The following ATP8A2 variants were observed in gnomAD, a reference collection of about 807,000 sequenced individuals.
The protein encoded by ATP8A2 is phospholipid-transporting ATPase IB.
ATP8A2 carries 100 observed loss-of-function variants against 165.6 expected under a neutral mutation model. That is an observed-to-expected ratio of 0.60 (90% CI 0.51 to 0.71). ATP8A2 has a LOEUF of 0.71. Ranked by LOEUF, ATP8A2 falls within the 30% of genes least tolerant of loss-of-function variation. The pLI, the probability that ATP8A2 is intolerant of heterozygous loss-of-function variation, is 0.00. For synonymous variants in ATP8A2, 543 were observed against 548.8 expected (o/e 0.99, Z 0.15); for missense variants, 1,227 against 1,479.5 (o/e 0.83, Z 2.80).
intron 22 of ATP8A2, 78 bp downstream of exon 22, chr13:25,580,025 C>G (rs1416372155): frequency 1.3e-6 from 2 of 1,508,514 alleles, no homozygotes; most frequent in Non-Finnish European, 1.8e-6. Flanking sequence ...GAACAGGAAT[C>G]CTTTTACTAT....
chr13:25,389,634 G>A (rs1234178707), intron 1 of ATP8A2, among the ~76,000 whole-genome samples: 2 of 152,206 alleles, frequency 1.3e-5, no homozygotes, highest in Non-Finnish European at 2.9e-5. Flanking sequence ...GAAGTACACC[G>A]AGTAGCTTCA....
At chr13:25,838,380 C>T (rs991010758) in intron 29 of ATP8A2, among the ~76,000 whole-genome samples, 6 of 152,062 alleles carry the variant, frequency 3.9e-5, no homozygotes, top group East Asian at 1.9e-4. Context: ...CAAAGAGACC[C>T]GAGGGACTCA....
In ATP8A2 at chr13:25,478,745, T is replaced by C. The variant is rs559970815; in HGVS notation, c.221+9624T>C. The stretch of plus-strand genomic sequence containing the variant: ...AAGGCTTTTGGAGAGTGTTGGCAGG[T>C]TTCAGCTTAGAAAAGACTTCAGCTT... On this transcript the variant is annotated intron_variant, in intron 2 of 36. Transcript: ENST00000381655. Among the ~76,000 whole-genome samples the C allele has an allele frequency of 2.0e-5, 3 of 152,290 alleles. No homozygotes were observed. In the South Asian group the frequency reaches 6.2e-4, roughly 32 times the overall value.
intron 33 of ATP8A2, among the ~76,000 whole-genome samples, chr13:25,875,831 C>G (rs1220208972): frequency 6.6e-6 from 1 of 152,140 alleles, no homozygotes; most frequent in South Asian, 2.1e-4. Context: ...AAAGGAGAGG[C>G]ATAAATGAAA....
intron 24 of ATP8A2, among the ~76,000 whole-genome samples, chr13:25,665,711 TTTA>T (rs1046265049): frequency 2.0e-5 from 3 of 151,594 alleles, no homozygotes; most frequent in Non-Finnish European, 4.4e-5. Context: ...CTTATTTGTT[TTTA>T]TTATTATTAT....
chr13:25,895,362 C>T (rs1359594296), intron 33 of ATP8A2, among the ~76,000 whole-genome samples: 2 of 152,184 alleles, frequency 1.3e-5, no homozygotes, highest in African/African-American at 4.8e-5. Context: ...TTGAACCAGC[C>T]TTGCATCCCA....
chr13:25,474,386 C>T (rs149724150), intron 2 of ATP8A2, among the ~76,000 whole-genome samples: 3,881 of 151,826 alleles, frequency 0.026, 173 homozygotes, highest in African/African-American at 0.089. Context: ...ATGGTGAAAC[C>T]CCGTCTCTAC....
intron 24 of ATP8A2, among the ~76,000 whole-genome samples, chr13:25,593,399 A>T (rs2040146241): frequency 6.6e-6 from 1 of 152,112 alleles, no homozygotes; most frequent in Non-Finnish European, 1.5e-5. Flanking sequence ...AACAATTAGG[A>T]TTTATGTCTG....
At chr13:25,698,818 G>GA (rs1411598488) in intron 24 of ATP8A2, among the ~76,000 whole-genome samples, 2 of 152,124 alleles carry the variant, frequency 1.3e-5, no homozygotes, top group Non-Finnish European at 2.9e-5. Context: ...TGCAAACTGA[G>GA]AAATGTTAGT....
At chr13:25,887,582 C>T (rs572796752) in intron 33 of ATP8A2, among the ~76,000 whole-genome samples, 18 of 152,282 alleles carry the variant, frequency 1.2e-4, no homozygotes, top group African/African-American at 2.2e-4. Flanking sequence ...GTGATCTTCC[C>T]GCCTCGGCCT....
chr13:25,881,916 G>T (rs1321743176), intron 33 of ATP8A2, among the ~76,000 whole-genome samples: 3 of 152,154 alleles, frequency 2.0e-5, no homozygotes, highest in African/African-American at 7.2e-5. Context: ...TGGGTGATAC[G>T]CCATGCCACC....
chr13:25,952,905 T>A (rs1039939996), intron 33 of ATP8A2, among the ~76,000 whole-genome samples: 5 of 152,074 alleles, frequency 3.3e-5, no homozygotes, highest in African/African-American at 1.2e-4. Context: ...GAGAAGGAGA[T>A]TTACCTTTTG....
rs1473241922 is a variant in ATP8A2, at chr13:26,000,678, C to G, written c.3378-11853C>G. The stretch of plus-strand genomic sequence containing the variant: ...ATAGCAATAGTTCCCAGCTAGCATA[C>G]CTGCTTCTGCCAGTACAGAGCCAAA... On this transcript the variant is annotated intron_variant, in intron 35 of 36. Coordinates refer to ENST00000381655, the MANE Select transcript of ATP8A2 (RefSeq NM_016529.6). Among the ~76,000 whole-genome samples, 5 of 135,166 alleles carry G rather than the reference C, an allele frequency of 3.7e-5. No individual in the cohort carries two copies. In the South Asian group the frequency reaches 7.2e-4, roughly 19 times the overall value. The allele number at this position is 135,166 out of a possible 152,430, so 88.7% of individuals were successfully genotyped here.
intron 24 of ATP8A2, among the ~76,000 whole-genome samples, chr13:25,597,936 T>C (rs1039791739): frequency 1.3e-5 from 2 of 152,096 alleles, no homozygotes; most frequent in African/African-American, 4.8e-5. Context: ...GCTTTGGTGC[T>C]CTCTAAGAGA....
chr13:25,916,346 G>C (rs1157510603), intron 33 of ATP8A2, among the ~76,000 whole-genome samples: 1 of 152,194 alleles, frequency 6.6e-6, no homozygotes, highest in African/African-American at 2.4e-5. Context: ...GAACTGTGTC[G>C]ACGGTACCAG....
chr13:25,918,042 A>T (rs1039459664), intron 33 of ATP8A2, among the ~76,000 whole-genome samples: 3 of 152,238 alleles, frequency 2.0e-5, no homozygotes, highest in Non-Finnish European at 4.4e-5. Context: ...GTTTGAAGAG[A>T]ATAATTATCT....
intron 24 of ATP8A2, among the ~76,000 whole-genome samples, chr13:25,595,700 G>T (rs2138337469): frequency 6.6e-6 from 1 of 152,302 alleles, no homozygotes; most frequent in East Asian, 1.9e-4. Flanking sequence ...TTGAACTGTT[G>T]CATAGGTGGT....
At chr13:25,830,677 C>G (rs761685241) in intron 28 of ATP8A2, among the ~76,000 whole-genome samples, 5 of 152,202 alleles carry the variant, frequency 3.3e-5, no homozygotes, top group Non-Finnish European at 5.9e-5. Context: ...CAAAGAACTA[C>G]TATTTACCCT....
At chr13:25,467,678 C>T (rs2035706882) in intron 1 of ATP8A2, among the ~76,000 whole-genome samples, 1 of 152,002 alleles carries the variant, frequency 6.6e-6, no homozygotes, top group South Asian at 2.1e-4. Context: ...CAGCCTCCCG[C>T]GTAGCTGGGC....
Sources: gnomAD v4.1 joint callset for allele counts (sites outside exome capture counted in the v4.1 genomes callset) on GRCh38, gnomAD v4.1.1 for gene constraint, MANE v1.5 for transcripts, NCBI Gene and HGNC (gene_info 2026-07-23, HGNC 2026-07-21) for gene names.